C1orf21: variants seen among roughly 807,000 people sequenced by gnomAD.
The protein encoded by C1orf21 is uncharacterized protein C1orf21.
In C1orf21, 3 loss-of-function variants were observed where a neutral mutation model predicts 18.7. The observed-to-expected ratio is 0.16, with a 90% CI of 0.07 to 0.42. The LOEUF is 0.42. Among genes scored for constraint, C1orf21 ranks in the 10% least tolerant of loss-of-function variants. The pLI, the probability that C1orf21 is intolerant of heterozygous loss-of-function variation, is 0.99. For missense variants in C1orf21, 104 were observed against 143.6 expected (o/e 0.72, Z 1.41); for synonymous variants, 41 against 46.4 (o/e 0.88, Z 0.47).
Position 184,495,283 on chromosome 1 carries a change from G to A in C1orf21, c.95-12305G>A, listed in dbSNP as rs556956382. Among the ~76,000 whole-genome samples, 4 of 152,222 alleles carry A rather than the reference G, an allele frequency of 2.6e-5. No homozygotes were observed. The East Asian group carries it at 7.7e-4, about 29-fold the overall frequency. ...CATGGAACTCTGAGCTCCAGTTTCT[G>A]ATCTCCAAGAGCTGCTCTGAGCTTT... On this transcript the variant is annotated intron_variant, in intron 2 of 5. Coordinates refer to ENST00000235307, the MANE Select transcript of C1orf21 (RefSeq NM_030806.4).
At chr1:184,616,931 G>C (rs1056491252) in intron 5 of C1orf21, among the ~76,000 whole-genome samples, 10 of 152,190 alleles carry the variant, frequency 6.6e-5, no homozygotes, top group African/African-American at 2.4e-4. Context: ...GGAGTGCAAG[G>C]CTGAGGTGGG....
chr1:184,484,746 G>C (rs757782235), intron 2 of C1orf21, among the ~76,000 whole-genome samples: 2 of 152,216 alleles, frequency 1.3e-5, no homozygotes, highest in African/African-American at 4.8e-5. Flanking sequence ...CTGGAATGAT[G>C]GTGTGAGACT....
intron 5 of C1orf21, among the ~76,000 whole-genome samples, chr1:184,616,962 T>C (rs565411875): frequency 5.9e-5 from 9 of 152,172 alleles, no homozygotes; most frequent in South Asian, 2.1e-4. Context: ...CCCTGACACC[T>C]ATCAGATGAC....
intron 1 of C1orf21, among the ~76,000 whole-genome samples, chr1:184,459,563 A>T (rs1657270736): frequency 6.6e-6 from 1 of 152,166 alleles, no homozygotes; most frequent in Non-Finnish European, 1.5e-5. Flanking sequence ...GAGAATTGTT[A>T]TGGCCAGTAT....
chr1:184,408,814 CG>C (rs919690200), intron 1 of C1orf21, among the ~76,000 whole-genome samples: 2 of 152,148 alleles, frequency 1.3e-5, no homozygotes, highest in Admixed American at 1.3e-4. Flanking sequence ...GTTGTGAGGC[CG>C]ATCAGGTTTC....
chr1:184,592,425 AC>A (rs1241099132), intron 4 of C1orf21, among the ~76,000 whole-genome samples: 1 of 152,212 alleles, frequency 6.6e-6, no homozygotes, highest in African/African-American at 2.4e-5. Flanking sequence ...AAGTTAAAAA[AC>A]AATAATGAGT....
intron 1 of C1orf21, among the ~76,000 whole-genome samples, chr1:184,456,826 C>G (rs1387362498): frequency 6.6e-6 from 1 of 152,148 alleles, no homozygotes; most frequent in Non-Finnish European, 1.5e-5. Context: ...TCATCTTTTA[C>G]TCTGTGACAA....
intron 1 of C1orf21, among the ~76,000 whole-genome samples, chr1:184,468,012 G>C (rs1236541835): frequency 8.1e-6 from 1 of 122,934 alleles, no homozygotes; most frequent in African/African-American, 3.5e-5. Context: ...GTGTGTGTGT[G>C]AGAGAGAGAG....
At chr1:184,556,223 C>T (rs1459203159) in intron 3 of C1orf21, among the ~76,000 whole-genome samples, 1 of 152,142 alleles carries the variant, frequency 6.6e-6, no homozygotes, top group Admixed American at 6.5e-5. Flanking sequence ...TGGGGTGGGT[C>T]AGTAGCAGAG....
At chr1:184,582,953 C>G (rs1659296738) in intron 3 of C1orf21, among the ~76,000 whole-genome samples, 1 of 152,180 alleles carries the variant, frequency 6.6e-6, no homozygotes, top group Admixed American at 6.5e-5. Context: ...ATTCTCCTGT[C>G]TCAGCCTCCC....
At chr1:184,487,608 A>T (rs919535508) in intron 2 of C1orf21, among the ~76,000 whole-genome samples, 1 of 152,242 alleles carries the variant, frequency 6.6e-6, no homozygotes, top group Admixed American at 6.5e-5. Context: ...TTAACTGGCC[A>T]CTTGAGGTCA....
Position 184,598,384 on chromosome 1 carries a change from T to A in C1orf21, c.267-17T>A. Reference sequence around the variant, plus strand: ...CAAAGCACTAAAATATGCACTTAACTACCCTTTGTTTTTCAGCATGCACAT... The same window carrying A: ...CAAAGCACTAAAATATGCACTTAACAACCCTTTGTTTTTCAGCATGCACAT... On this transcript the variant is annotated splice_polypyrimidine_tract_variant and intron_variant, in intron 4 of 5. Transcript: ENST00000235307. 1 of 1,612,594 alleles carries A rather than the reference T, an allele frequency of 6.2e-7. No individual in the cohort carries two copies. The highest frequency in any genetic ancestry group is 1.1e-5 in the South Asian group (1 of 90,584).
intron 1 of C1orf21, among the ~76,000 whole-genome samples, chr1:184,404,584 A>G (rs982589431): frequency 3.3e-5 from 5 of 152,182 alleles, no homozygotes; most frequent in Non-Finnish European, 5.9e-5. Context: ...TAATGGTGTA[A>G]TCACCTCTTT....
At chr1:184,426,534 T>G (rs534602834) in intron 1 of C1orf21, among the ~76,000 whole-genome samples, 1 of 152,288 alleles carries the variant, frequency 6.6e-6, no homozygotes, top group African/African-American at 2.4e-5. Context: ...TCTGAATGCC[T>G]GCATCTCCCT....
At chr1:184,430,603 A>G (rs1286413479) in intron 1 of C1orf21, among the ~76,000 whole-genome samples, 2 of 152,170 alleles carry the variant, frequency 1.3e-5, no homozygotes, top group African/African-American at 4.8e-5. Context: ...TTCTTATCTG[A>G]TAAGTTAGCT....
At chr1:184,502,322 G>A (rs763262217) in intron 2 of C1orf21, among the ~76,000 whole-genome samples, 3 of 152,138 alleles carry the variant, frequency 2.0e-5, no homozygotes, top group African/African-American at 4.8e-5. Context: ...CTTTTACAAG[G>A]GGCTGTAATC....
intron 1 of C1orf21, among the ~76,000 whole-genome samples, chr1:184,400,416 G>A (rs1656131851): frequency 6.6e-6 from 1 of 152,042 alleles, no homozygotes. Context: ...GTATGTATGT[G>A]TAGGTATGAT....
At chr1:184,534,362 T>C (rs1381678369) in intron 3 of C1orf21, among the ~76,000 whole-genome samples, 1 of 152,224 alleles carries the variant, frequency 6.6e-6, no homozygotes, top group African/African-American at 2.4e-5. Flanking sequence ...ATTTTGTACA[T>C]GTAAATTGCC....
At chr1:184,420,058 G>T (rs1656521169) in intron 1 of C1orf21, among the ~76,000 whole-genome samples, 1 of 152,174 alleles carries the variant, frequency 6.6e-6, no homozygotes, top group Non-Finnish European at 1.5e-5. Context: ...CATGAGTTAG[G>T]ATAGAATGTG....
Sources: allele counts gnomAD v4.1 joint callset (sites outside exome capture counted in the v4.1 genomes callset), GRCh38; gene constraint gnomAD v4.1.1; transcripts MANE v1.5; gene names NCBI Gene and HGNC (gene_info 2026-07-23, HGNC 2026-07-21).